Variants in MTHFD1L observed in about 807,000 individuals in gnomAD.
MTHFD1L encodes monofunctional C1-tetrahydrofolate synthase, mitochondrial.
In MTHFD1L, 81 loss-of-function variants were observed where a neutral mutation model predicts 119.5. The ratio of observed to expected loss-of-function variants is 0.68; its 90% CI spans 0.57 to 0.82. MTHFD1L has a LOEUF of 0.82. Among genes scored for constraint, MTHFD1L ranks in the 40% least tolerant of loss-of-function variants. The pLI, the probability that MTHFD1L is intolerant of heterozygous loss-of-function variation, is 0.00. For synonymous variants in MTHFD1L, 430 were observed against 475.2 expected (o/e 0.90, Z 1.24); for missense variants, 1,125 against 1,253.4 (o/e 0.90, Z 1.55).
At chr6:151,038,322 G>A (rs1251524336) in intron 26 of MTHFD1L, among the ~76,000 whole-genome samples, 2 of 152,134 alleles carry the variant, frequency 1.3e-5, no homozygotes, top group African/African-American at 2.4e-5. Context: ...CTCTGAACTG[G>A]CAAAACAGTG....
intron 7 of MTHFD1L, among the ~76,000 whole-genome samples, chr6:150,904,566 C>T (rs748302624): frequency 2.0e-5 from 3 of 152,182 alleles, no homozygotes; most frequent in Admixed American, 6.5e-5. Flanking sequence ...CTGACCTGTA[C>T]AATTATAGCT....
At chr6:151,021,460 A>G (rs1231473802) in intron 24 of MTHFD1L, among the ~76,000 whole-genome samples, 1 of 152,182 alleles carries the variant, frequency 6.6e-6, no homozygotes, top group Non-Finnish European at 1.5e-5. Flanking sequence ...AGGCAGGAGA[A>G]TCGCTTGAAC....
intron 26 of MTHFD1L, among the ~76,000 whole-genome samples, chr6:151,068,642 A>T (rs1791586318): frequency 6.6e-6 from 1 of 152,134 alleles, no homozygotes; most frequent in Non-Finnish European, 1.5e-5. Flanking sequence ...TAGCCCAATT[A>T]CTTTTGAAAA....
chr6:150,973,997 A>G (rs6900628), intron 20 of MTHFD1L, among the ~76,000 whole-genome samples: 67,056 of 152,138 alleles, frequency 0.44, 16,805 homozygotes, highest in East Asian at 0.65. Flanking sequence ...CAGCAATTAT[A>G]CTAATTCTTT....
intron 26 of MTHFD1L, among the ~76,000 whole-genome samples, chr6:151,060,228 GT>G (rs1194743541): frequency 6.6e-6 from 1 of 152,182 alleles, no homozygotes; most frequent in Non-Finnish European, 1.5e-5. Flanking sequence ...CTCCTTGTAA[GT>G]GACTAACCTT....
intron 20 of MTHFD1L, among the ~76,000 whole-genome samples, chr6:150,979,438 C>G (rs1253543726): frequency 6.6e-6 from 1 of 152,108 alleles, no homozygotes; most frequent in Non-Finnish European, 1.5e-5. Context: ...ATGACCTTAT[C>G]GAGTCCCACT....
chr6:150,971,959 T>G lies in MTHFD1L; in HGVS notation c.2026T>G (p.Phe676Val), dbSNP rs761093504. The G allele has an allele frequency of 3.1e-6, 5 of 1,614,162 alleles. No homozygotes were observed. The highest frequency in any genetic ancestry group is 4.2e-6 in the Non-Finnish European group (5 of 1,179,994). The part of the protein sequence containing the change: ...LMQTLEGTPV[F>V]VHAGPFANIA... ...TTCACTTCTCTAGGGGACACCTGTG[T>G]TCGTGCATGCGGGCCCTTTTGCTAA... The change falls in exon 20 of 28, where the codon TTC becomes GTC. Residue 676 changes from phenylalanine to valine, a missense_variant. By Grantham distance (50) the Phe-to-Val change is conservative. Around this residue, in one of 3 missense-constraint regions of MTHFD1L, gnomAD observed 1,058 missense variants for 1,151.2 expected, o/e 0.92. Coordinates refer to ENST00000367321, the MANE Select transcript of MTHFD1L (RefSeq NM_015440.5).
chr6:150,962,096 T>G (rs1357309982), intron 18 of MTHFD1L, among the ~76,000 whole-genome samples: 2 of 152,146 alleles, frequency 1.3e-5, no homozygotes, highest in Non-Finnish European at 2.9e-5. Flanking sequence ...TTCAAGTGAT[T>G]CTCCTGCCTC....
At chr6:150,888,347 C>T (rs192759256) in intron 7 of MTHFD1L, among the ~76,000 whole-genome samples, 5 of 152,224 alleles carry the variant, frequency 3.3e-5, no homozygotes, top group Non-Finnish European at 5.9e-5. Context: ...ATGAAATAAT[C>T]GTGAGCGAAA....
chr6:150,894,440 G>GA (rs1336321855), intron 7 of MTHFD1L, among the ~76,000 whole-genome samples: 1 of 152,140 alleles, frequency 6.6e-6, no homozygotes, highest in African/African-American at 2.4e-5. Context: ...AGACTACCAT[G>GA]AGACAACGTT....
intron 25 of MTHFD1L, among the ~76,000 whole-genome samples, chr6:151,036,697 A>G (rs1319324601): frequency 6.6e-6 from 1 of 152,190 alleles, no homozygotes; most frequent in African/African-American, 2.4e-5. Context: ...GCTTTCCCCA[A>G]ACATGCACAT....
At chr6:150,948,600 G>A (rs1000381780) in intron 15 of MTHFD1L, among the ~76,000 whole-genome samples, 25 of 150,574 alleles carry the variant, frequency 1.7e-4, no homozygotes, top group African/African-American at 5.8e-4. Context: ...CTGGGATTAC[G>A]GGCATGAGCC....
At chr6:150,869,356 T>G (rs1284024225) in intron 1 of MTHFD1L, among the ~76,000 whole-genome samples, 1 of 151,992 alleles carries the variant, frequency 6.6e-6, no homozygotes, top group African/African-American at 2.4e-5. Flanking sequence ...GACCCTGGTG[T>G]GTGATGTTCC....
intron 26 of MTHFD1L, among the ~76,000 whole-genome samples, chr6:151,083,619 T>C (rs1434669567): frequency 6.6e-6 from 1 of 152,240 alleles, no homozygotes; most frequent in African/African-American, 2.4e-5. Flanking sequence ...GTTTCACAAT[T>C]GTCTGTATTG....
intron 20 of MTHFD1L, among the ~76,000 whole-genome samples, chr6:151,002,839 G>A (rs1266864129): frequency 1.3e-5 from 2 of 152,234 alleles, no homozygotes; most frequent in African/African-American, 4.8e-5. Flanking sequence ...GTGAGCCACT[G>A]CAAGCTGTCG....
intron 26 of MTHFD1L, among the ~76,000 whole-genome samples, chr6:151,084,645 T>C (rs1178309): frequency 0.99 from 151,213 of 152,254 alleles, 75,092 homozygotes; most frequent in East Asian, 1. Flanking sequence ...GTAGAACTAT[T>C]CAATTTCTGT....
chr6:151,042,378 A>G (rs528502883), intron 26 of MTHFD1L, among the ~76,000 whole-genome samples: 16 of 152,342 alleles, frequency 1.1e-4, no homozygotes, highest in Admixed American at 3.9e-4. Flanking sequence ...TTTGTAAGAG[A>G]TAGTTTTTCT....
chr6:151,061,646 G>T (rs1272448040), intron 26 of MTHFD1L, among the ~76,000 whole-genome samples: 2 of 152,194 alleles, frequency 1.3e-5, no homozygotes, highest in Admixed American at 1.3e-4. Context: ...CCACTGCACA[G>T]TTCCGTATTG....
intron 20 of MTHFD1L, among the ~76,000 whole-genome samples, chr6:150,994,914 C>T (rs1230750433): frequency 6.6e-6 from 1 of 152,116 alleles, no homozygotes; most frequent in Non-Finnish European, 1.5e-5. Context: ...GAACCTTTCT[C>T]CGAGATTTGC....
Sources: gnomAD v4.1 joint callset for allele counts (sites outside exome capture counted in the v4.1 genomes callset) on GRCh38, gnomAD v4.1.1 for gene constraint, gnomAD v4.1.1 regional missense constraint, MANE v1.5 for transcripts, NCBI Gene and HGNC (gene_info 2026-07-23, HGNC 2026-07-21) for gene names.